Variants in MAPK9 observed in about 807,000 individuals in gnomAD.
The protein encoded by MAPK9 is mitogen-activated protein kinase 9.
Under a neutral mutation model 57.1 loss-of-function variants are expected in MAPK9, and 30 were observed. The ratio of observed to expected loss-of-function variants is 0.53; its 90% CI spans 0.39 to 0.71. MAPK9 has a LOEUF of 0.71. Among genes scored for constraint, MAPK9 ranks in the 30% least tolerant of loss-of-function variants. The pLI, the probability that MAPK9 is intolerant of heterozygous loss-of-function variation, is 0.00. For missense variants in MAPK9, 362 were observed against 521.0 expected, an observed-to-expected ratio of 0.69 and a Z score of 2.97; for synonymous variants, 155 against 177.0, an observed-to-expected ratio of 0.88 and a Z score of 0.99.
At chr5:180,238,067 C>T (rs1008128998) in intron 11 of MAPK9, 19 of 243,340 alleles carry the variant, frequency 7.8e-5, no homozygotes, top group South Asian at 3.1e-4. Flanking sequence ...GTCAGGAGAT[C>T]GAGACCAGCT....
At chr5:180,283,138 A>G (rs556451961) in intron 1 of MAPK9, among the ~76,000 whole-genome samples, 1 of 152,288 alleles carries the variant, frequency 6.6e-6, no homozygotes, top group Admixed American at 6.5e-5. Context: ...CCTCGCTTTC[A>G]TAAGAGAAGC....
At chr5:180,289,416 A>G (rs1218467348) in intron 1 of MAPK9, among the ~76,000 whole-genome samples, 1 of 151,640 alleles carries the variant, frequency 6.6e-6, no homozygotes, top group Non-Finnish European at 1.5e-5. Context: ...CTTTTGAAGA[A>G]AAAAAAAAGT....
At chr5:180,244,187 C>T (rs1296059711) in intron 7 of MAPK9, among the ~76,000 whole-genome samples, 1 of 152,002 alleles carries the variant, frequency 6.6e-6, no homozygotes, top group Admixed American at 6.6e-5. Flanking sequence ...CTGCTCACTC[C>T]CACAGACTTC....
chr5:180,286,859 T>C (rs1468863936), intron 1 of MAPK9: 1 of 152,286 alleles, frequency 6.6e-6, no homozygotes, highest in Non-Finnish European at 1.5e-5. Context: ...AGCAGCTTTA[T>C]TTTTAATAGT....
Position 180,264,807 on chromosome 5 carries a change from T to C in MAPK9, c.285A>G (p.Gln95=), listed in dbSNP as rs1760357061. The part of the protein sequence containing the change: ...IISLLNVFTP[Q]KTLEEFQDVY... ...CATCTTGAAATTCTTCTAGAGTTTT[T>C]TGTGGTGTAAACACATTTAACAAAC... is the stretch of plus-strand genomic sequence containing the variant. The change falls in exon 4 of 12, where the codon CAA becomes CAG. Residue 95 remains glutamine, a synonymous_variant. Transcript: ENST00000452135. The C allele has an allele frequency of 6.4e-7, 1 of 1,570,392 alleles. No homozygotes were observed. Among genetic ancestry groups the C allele is most frequent in the South Asian group, 1.2e-5 (1 of 85,116 alleles).
intron 2 of MAPK9, among the ~76,000 whole-genome samples, chr5:180,274,892 T>TCC (rs1398390915): frequency 6.6e-6 from 1 of 152,180 alleles, no homozygotes; most frequent in Non-Finnish European, 1.5e-5. Flanking sequence ...TGCTGACCTC[T>TCC]CCTCCAGGTC....
intron 1 of MAPK9, among the ~76,000 whole-genome samples, chr5:180,284,314 C>T (rs997192927): frequency 6.6e-6 from 1 of 152,238 alleles, no homozygotes; most frequent in Non-Finnish European, 1.5e-5. Context: ...GTGCTGCCAC[C>T]ATCCGTCCAG....
In MAPK9 at chr5:180,234,337, G is replaced by C. The variant is rs1215785253; in HGVS notation, c.*2047C>G. 2 of 152,246 alleles carry C rather than the reference G, an allele frequency of 1.3e-5. No individual in the cohort carries two copies. Among genetic ancestry groups the C allele is most frequent in the African/African-American group, 2.4e-5 (1 of 41,446 alleles). The allele number at this position is 152,246 out of a possible 1,614,324, so 9.4% of individuals were successfully genotyped here. On this transcript the variant is annotated 3_prime_UTR_variant, in exon 12 of 12. Transcript: ENST00000452135. The stretch of plus-strand genomic sequence containing the variant: ...TCAGGAGAGAGAACCCTGAAGCTGG[G>C]GTGAGGTATTTCTGTGGAGCCCTGT...
intron 2 of MAPK9, among the ~76,000 whole-genome samples, chr5:180,276,051 C>T (rs1379195024): frequency 6.6e-6 from 1 of 152,146 alleles, no homozygotes; most frequent in Non-Finnish European, 1.5e-5. Context: ...ACTGATTTGC[C>T]CTGCTCACAA....
rs1757004593 is a variant in MAPK9 at position 180,233,967 on chromosome 5, C to T, written c.*2417G>A. ...GGTATGCACAGCCAGGGTTTCCAGA[C>T]TGCTCTCCTGCTCTCACAGAACTCT... On this transcript the variant is annotated 3_prime_UTR_variant, in exon 12 of 12. Coordinates refer to ENST00000452135, the MANE Select transcript of MAPK9 (RefSeq NM_002752.5). The T allele has an allele frequency of 6.6e-6, 1 of 152,242 alleles. No individual in the cohort carries two copies. Among genetic ancestry groups the T allele is most frequent in the African/African-American group, 2.4e-5 (1 of 41,448 alleles). 9.4% of individuals were successfully genotyped at this position (152,242 alleles called of 1,614,324 possible). A position where few individuals can be genotyped will look rare whatever the true frequency, so the allele number is the denominator to read the frequency against.
intron 2 of MAPK9, among the ~76,000 whole-genome samples, chr5:180,273,580 C>T (rs1761554671): frequency 6.6e-6 from 1 of 152,202 alleles, no homozygotes; most frequent in African/African-American, 2.4e-5. Flanking sequence ...CCCCAAAGAT[C>T]ATGAAGACAT....
chr5:180,279,893 C>T (rs1195246459), intron 2 of MAPK9: 1 of 456,620 alleles, frequency 2.2e-6, no homozygotes, highest in Non-Finnish European at 4.4e-6. Context: ...CTGGGCTGGA[C>T]ACACAGTTGA....
chr5:180,266,474 C>T (rs1253235648), intron 3 of MAPK9, among the ~76,000 whole-genome samples: 3 of 152,034 alleles, frequency 2.0e-5, no homozygotes, highest in Non-Finnish European at 4.4e-5. Flanking sequence ...ACCACTACGC[C>T]CAGCTAATTT....
At chr5:180,236,793 C>CG in intron 11 of MAPK9, 1 of 280,512 alleles carries the variant, frequency 3.6e-6, no homozygotes, top group Non-Finnish European at 6.6e-6. Flanking sequence ...CATGTATAAT[C>CG]ATGTTAGCTA....
chr5:180,276,317 A>G (rs2127616068), intron 2 of MAPK9, among the ~76,000 whole-genome samples: 2 of 152,354 alleles, frequency 1.3e-5, no homozygotes, highest in Middle Eastern at 6.8e-3. Flanking sequence ...TGTTACTTCT[A>G]AGAACCGCCA....
chr5:180,270,866 AAAAAAAAG>A (rs1406195936), intron 2 of MAPK9, among the ~76,000 whole-genome samples: 6 of 144,484 alleles, frequency 4.2e-5, no homozygotes, highest in Non-Finnish European at 8.9e-5. Context: ...CTCAAAAAAA[AAAAAAAAG>A]AAAAAGAAAA....
chr5:180,291,496 C>A (rs1410033161), intron 1 of MAPK9, among the ~76,000 whole-genome samples: 2 of 152,176 alleles, frequency 1.3e-5, no homozygotes, highest in Admixed American at 1.3e-4. Flanking sequence ...CGCGGCAGAG[C>A]GAGGGTCAGT....
In MAPK9 at chr5:180,247,960, A is replaced by G; in HGVS notation, c.617-450T>C. 1 of 1,603,452 alleles carries G rather than the reference A, an allele frequency of 6.2e-7. No individual in the cohort carries two copies. Among genetic ancestry groups the G allele is most frequent in the Non-Finnish European group, 8.5e-7 (1 of 1,174,618 alleles). ...CACCAGGGGATTAAAAACCAGCTAG[A>G]GTCCCCCATCTTTTTTCTTCAAACC... On this transcript the variant is annotated intron_variant, in intron 6 of 11. Transcript: ENST00000452135. This position sits in a 1 kb window ranked among gnomAD's most constrained non-coding sequence, Gnocchi z 4.5.
At position 180,242,671 on chromosome 5, in the gene MAPK9, T is replaced by C. The variant is rs371678471; in HGVS notation, c.773A>G (p.Asn258Ser). 1.2e-6 allele frequency: 2 copies of C among 1,614,040 alleles called. No individual in the cohort carries two copies. Among genetic ancestry groups the C allele is most frequent in the African/African-American group, 2.7e-5 (2 of 74,946 alleles). ...ATACTTTGGTCTGTTTTCGACATAA[T>C]TCCTCACAGTTGGCTGAAGTTTCTT... ...FMKKLQPTVR[N>S]YVENRPKYPG... Residue 258 changes from asparagine (N) to serine (S), a missense_variant, in exon 8 of 12, where the codon AAT (asparagine) becomes AGT (serine). Around this residue, in one of 3 missense-constraint regions of MAPK9, gnomAD observed 199 missense variants for 251.3 expected, o/e 0.79. Coordinates refer to ENST00000452135, the MANE Select transcript of MAPK9 (RefSeq NM_002752.5).
Sources: allele counts gnomAD v4.1 joint callset (sites outside exome capture counted in the v4.1 genomes callset), GRCh38; gene constraint gnomAD v4.1.1; regional missense constraint gnomAD v4.1.1; non-coding constraint Gnocchi (gnomAD v3.1); transcripts MANE v1.5; gene names NCBI Gene and HGNC (gene_info 2026-07-23, HGNC 2026-07-21).